LCP2: variants seen among roughly 807,000 people sequenced by gnomAD.
LCP2 encodes the protein lymphocyte cytosolic protein 2, also known as 76 kDa tyrosine phosphoprotein.
In LCP2, 29 loss-of-function variants were observed where a neutral mutation model predicts 74.5. That is an observed-to-expected ratio of 0.39 (90% CI 0.29 to 0.53). The LOEUF (loss-of-function observed/expected upper bound fraction) is 0.53, where lower values mean the gene tolerates loss of function less well. Among genes scored for constraint, LCP2 ranks in the 20% least tolerant of loss-of-function variants. LCP2 has a pLI of 0.72. For missense variants in LCP2, 604 were observed against 634.6 expected (o/e 0.95, Z 0.52); for synonymous variants, 228 against 229.5 (o/e 0.99, Z 0.06).
At chr5:170,254,222 C>A (rs778860978) in intron 17 of LCP2, among the ~76,000 whole-genome samples, 1 of 152,094 alleles carries the variant, frequency 6.6e-6, no homozygotes, top group Non-Finnish European at 1.5e-5. Flanking sequence ...AGTGGCAAAG[C>A]CAAAACTTAA....
chr5:170,268,880 C>CATGCACACACATGCATATAT (rs112157388), intron 7 of LCP2, among the ~76,000 whole-genome samples: 2,133 of 55,854 alleles, frequency 0.038, 68 homozygotes, highest in African/African-American at 0.093. Context: ...TGCACACATG[C>CATGCACACACATGCATATAT]ATGCACACAC....
chr5:170,290,986 AAGAAAGAAAGAAAG>A (rs1762283042), intron 2 of LCP2, among the ~76,000 whole-genome samples: 1 of 94,896 alleles, frequency 1.1e-5, no homozygotes, highest in Non-Finnish European at 2.3e-5. Flanking sequence ...GAAAGAAAGA[AAGAAAGAAAGAAAG>A]AGAGAAAGAA....
intron 16 of LCP2, among the ~76,000 whole-genome samples, chr5:170,257,572 C>T (rs1761577835): frequency 6.6e-6 from 1 of 152,056 alleles, no homozygotes; most frequent in Non-Finnish European, 1.5e-5. Context: ...CGGCCTCATA[C>T]CAGCCCTGAG....
intron 2 of LCP2, among the ~76,000 whole-genome samples, chr5:170,288,967 C>A (rs1039047043): frequency 6.6e-6 from 1 of 152,162 alleles, no homozygotes; most frequent in Non-Finnish European, 1.5e-5. Context: ...GATGAGCCAA[C>A]AAAGGGCTCC....
rs532798873 is a variant in LCP2 at position 170,274,792 on chromosome 5, T to C, written c.287-454A>G. On this transcript the variant is annotated intron_variant, in intron 5 of 20. Transcript: ENST00000046794. ...GAGATCGAGACCATCCTGGCTGACA[T>C]GGTGAAACCCCGTCTCTACTAAAAA... Among the ~76,000 whole-genome samples the C allele has an allele frequency of 8.7e-4, 132 of 152,104 alleles. 2 individuals are homozygous for C. The highest frequency in any genetic ancestry group is 3.4e-3 in the Middle Eastern group (1 of 292).
rs748748084 is a variant in LCP2, at chr5:170,262,830, C to A, written c.818+12G>T. ...CGTCCCATGTACCCTCATGTAGATGCAACAGTCTTACCTTCCCGCTGGAAT... is the reference window on the plus strand; with the variant it reads ...CGTCCCATGTACCCTCATGTAGATGAAACAGTCTTACCTTCCCGCTGGAAT... On this transcript the variant is annotated intron_variant, in intron 12 of 20. Coordinates refer to ENST00000046794, the MANE Select transcript of LCP2 (RefSeq NM_005565.5). 6.2e-7 allele frequency: 1 copy of A among 1,613,906 alleles called. No homozygotes were observed. The highest frequency in any genetic ancestry group is 8.5e-7 in the Non-Finnish European group (1 of 1,179,900).
rs3830455 is a variant in LCP2, at chr5:170,248,690, T to C, written c.*7A>G. The C allele has an allele frequency of 2.0e-5, 8 of 398,140 alleles. No homozygotes were observed. The East Asian group carries it at 5.9e-4, about 29-fold the overall frequency. The allele number at this position is 398,140 out of a possible 1,614,324, so 24.7% of individuals were successfully genotyped here. On this transcript the variant is annotated 3_prime_UTR_variant, in exon 21 of 21. Coordinates refer to ENST00000046794, the MANE Select transcript of LCP2 (RefSeq NM_005565.5). ...GGAGGACGGTTCATTTGCTCGGCTA[T>C]AACTTGCTATGGGTACCCTGCAGCA...
chr5:170,291,325 A>G (rs1762293562), intron 2 of LCP2, among the ~76,000 whole-genome samples: 1 of 152,126 alleles, frequency 6.6e-6, no homozygotes, highest in African/African-American at 2.4e-5. Context: ...AGGGTGATAG[A>G]TTAGTAATTA....
At chr5:170,249,623 A>G (rs568218589) in intron 20 of LCP2, among the ~76,000 whole-genome samples, 1 of 152,250 alleles carries the variant, frequency 6.6e-6, no homozygotes, top group African/African-American at 2.4e-5. Context: ...AGCATGGCAC[A>G]GGAGTTCCTT....
intron 17 of LCP2, among the ~76,000 whole-genome samples, chr5:170,254,655 C>T (rs1428751123): frequency 1.3e-5 from 2 of 152,172 alleles, no homozygotes; most frequent in African/African-American, 4.8e-5. Context: ...TGAAACCTAA[C>T]AATACAGGAG....
chr5:170,270,358 G>A (rs315746), intron 7 of LCP2: 3,172 of 205,322 alleles, frequency 0.015, 109 homozygotes, highest in African/African-American at 0.067. Flanking sequence ...GGAGGAACAG[G>A]AAAGTACTCT....
At chr5:170,292,056 A>G (rs1022125409) in intron 2 of LCP2, among the ~76,000 whole-genome samples, 1 of 152,218 alleles carries the variant, frequency 6.6e-6, no homozygotes, top group Non-Finnish European at 1.5e-5. Context: ...TCATCTGCAA[A>G]TGAGGTAGTT....
chr5:170,264,228 A>G (rs903408199), intron 10 of LCP2, among the ~76,000 whole-genome samples: 3 of 152,244 alleles, frequency 2.0e-5, no homozygotes, highest in Admixed American at 6.5e-5. Context: ...CTTCAGACAT[A>G]CTGAAGACCC....
chr5:170,264,088 G>C (rs190176904), intron 10 of LCP2, among the ~76,000 whole-genome samples: 146 of 152,290 alleles, frequency 9.6e-4, no homozygotes, highest in Non-Finnish European at 5.6e-4. Flanking sequence ...GCTGCAACTC[G>C]AAGATTAATT....
chr5:170,268,910 C>CG (rs59378101), intron 7 of LCP2, among the ~76,000 whole-genome samples: 1 of 151,368 alleles, frequency 6.6e-6, no homozygotes, highest in Non-Finnish European at 1.5e-5. Flanking sequence ...TATGCACACA[C>CG]CTGCATACAC....
At chr5:170,293,842 A>C (rs1241503246) in intron 1 of LCP2, among the ~76,000 whole-genome samples, 1 of 152,252 alleles carries the variant, frequency 6.6e-6, no homozygotes, top group Non-Finnish European at 1.5e-5. Context: ...TAATATAAAC[A>C]CTGCCTAGTG....
intron 20 of LCP2, among the ~76,000 whole-genome samples, 170 bp from the exon 21 acceptor site, chr5:170,248,989 G>GA (rs1761363556): frequency 1.3e-5 from 2 of 152,206 alleles, no homozygotes; most frequent in Admixed American, 1.3e-4. Flanking sequence ...ATAGAACTTT[G>GA]AAAAAATTCC....
At chr5:170,252,675 A>T (rs1761472194) in intron 18 of LCP2, 164 bp from the exon 19 acceptor site, 1 of 565,138 alleles carries the variant, frequency 1.8e-6, no homozygotes. Flanking sequence ...GCTGGGGCTA[A>T]ATAGAAGATA....
chr5:170,278,683 G>GATCTTGAA (rs1201768823), intron 3 of LCP2, among the ~76,000 whole-genome samples: 2 of 152,192 alleles, frequency 1.3e-5, no homozygotes, highest in Admixed American at 1.3e-4. Context: ...GGCTGCTTTG[G>GATCTTGAA]ATCTTGAAAG....
Sources: gnomAD v4.1 joint callset for allele counts (sites outside exome capture counted in the v4.1 genomes callset) on GRCh38, gnomAD v4.1.1 for gene constraint, MANE v1.5 for transcripts, NCBI Gene and HGNC (gene_info 2026-07-23, HGNC 2026-07-21) for gene names.